The following CTNNA2 variants were observed in gnomAD, a reference collection of about 807,000 sequenced individuals.
CTNNA2 encodes the protein catenin alpha 2.
Under a neutral mutation model 101.0 loss-of-function variants are expected in CTNNA2, and 42 were observed. That is an observed-to-expected ratio of 0.42 (90% CI 0.32 to 0.54). The LOEUF is 0.54. CTNNA2 is among the 20% of genes least tolerant of loss of function. The probability of loss-of-function intolerance (pLI) is 0.14; values close to 1 mark genes in which losing one functional copy is unlikely to be tolerated. For synonymous variants in CTNNA2, 450 were observed against 456.4 expected, an observed-to-expected ratio of 0.99 and a Z score of 0.18; for missense variants, 871 against 1,223.1, an observed-to-expected ratio of 0.71 and a Z score of 4.29.
In CTNNA2 at chr2:80,648,645, T is replaced by C. The variant is rs1272003944; in HGVS notation, c.*773T>C. The C allele has an allele frequency of 1.3e-5, 2 of 151,666 alleles. No homozygotes were observed. The highest frequency in any genetic ancestry group is 4.8e-5 in the African/African-American group (2 of 41,308). 9.4% of individuals were successfully genotyped at this position (151,666 alleles called of 1,614,324 possible). A position where few individuals can be genotyped will look rare whatever the true frequency, so the allele number is the denominator to read the frequency against. On this transcript the variant is annotated 3_prime_UTR_variant, in exon 19 of 19. Coordinates refer to ENST00000402739, the MANE Select transcript of CTNNA2 (RefSeq NM_001282597.3). ...ATTTTGCTAGAAATAGAAGGCCCAG[T>C]GGTGGAATATTAGAGGGAAGGAAAC...
chr2:79,245,943 G>C (rs1293201564), intron 2 of CTNNA2, among the ~76,000 whole-genome samples: 1 of 152,208 alleles, frequency 6.6e-6, no homozygotes, highest in Non-Finnish European at 1.5e-5. Context: ...ATAGCTCAGA[G>C]AGGCCACCAA....
At chr2:79,489,456 G>A (rs1055628258) in intron 4 of CTNNA2, among the ~76,000 whole-genome samples, 2 of 152,156 alleles carry the variant, frequency 1.3e-5, no homozygotes, top group Non-Finnish European at 2.9e-5. Context: ...AATGGCAAGT[G>A]AGAAACAAGG....
intron 1 of CTNNA2, among the ~76,000 whole-genome samples, chr2:79,534,149 A>T (rs990478437): frequency 6.6e-6 from 1 of 152,196 alleles, no homozygotes; most frequent in African/African-American, 2.4e-5. Flanking sequence ...ACATGGTTGT[A>T]GTCATAGAAT....
At chr2:80,239,917 A>AT (rs904609128) in intron 7 of CTNNA2, among the ~76,000 whole-genome samples, 1 of 152,100 alleles carries the variant, frequency 6.6e-6, no homozygotes, top group African/African-American at 2.4e-5. Flanking sequence ...CATCTCAAAA[A>AT]AAAAAACAAA....
In CTNNA2 at chr2:80,450,982, T is replaced by TAA. The variant is rs56373407; in HGVS notation, c.1290+31391_1290+31392dup. Among the ~76,000 whole-genome samples, 56 of 148,638 alleles carry TAA rather than the reference T, an allele frequency of 3.8e-4. No individual in the cohort carries two copies. The South Asian group carries it at 8.1e-3, about 21-fold the overall frequency. Reference sequence around the variant, plus strand: ...TCCTGACCATTAAGGTGTCATTGTTTAAAAAAAAAAAGTACTTTTCCCTGT... The same window carrying TAA: ...TCCTGACCATTAAGGTGTCATTGTTTAAAAAAAAAAAAAGTACTTTTCCCTGT... On this transcript the variant is annotated intron_variant, in intron 9 of 18. Coordinates refer to ENST00000402739, the MANE Select transcript of CTNNA2 (RefSeq NM_001282597.3).
chr2:79,365,142 T>C (rs1017108505), intron 3 of CTNNA2, among the ~76,000 whole-genome samples: 3 of 152,024 alleles, frequency 2.0e-5, no homozygotes, highest in East Asian at 1.9e-4. Flanking sequence ...CTGAGCATGG[T>C]GGCGGGTGCC....
At chr2:80,444,372 T>TA (rs1259591640) in intron 9 of CTNNA2, among the ~76,000 whole-genome samples, 19 of 152,108 alleles carry the variant, frequency 1.2e-4, no homozygotes, top group African/African-American at 4.3e-4. Flanking sequence ...GGGAAGACAA[T>TA]ATAAAAAATT....
At chr2:80,375,705 C>A (rs2149340740) in intron 7 of CTNNA2, among the ~76,000 whole-genome samples, 1 of 151,606 alleles carries the variant, frequency 6.6e-6, no homozygotes, top group African/African-American at 2.4e-5. Flanking sequence ...GCTGGGACTA[C>A]AGGCGCCCGC....
chr2:80,398,467 C>T (rs1018412857), intron 8 of CTNNA2, among the ~76,000 whole-genome samples: 11 of 151,994 alleles, frequency 7.2e-5, no homozygotes, highest in African/African-American at 2.7e-4. Flanking sequence ...GTCAGATTGT[C>T]AAGCTGCTGT....
intron 7 of CTNNA2, among the ~76,000 whole-genome samples, chr2:80,345,625 G>A (rs1443896): frequency 0.11 from 16,722 of 151,588 alleles, 1,882 homozygotes; most frequent in African/African-American, 0.29. Context: ...ATCAGTGCCC[G>A]GAAGAGTACC....
intron 9 of CTNNA2, among the ~76,000 whole-genome samples, chr2:80,462,631 C>CTTTCTTT (rs1177394836): frequency 8.4e-5 from 8 of 94,770 alleles, no homozygotes; most frequent in African/African-American, 3.7e-4. Flanking sequence ...TTCTTTCTTT[C>CTTTCTTT]TTTTTTTTTT....
At chr2:79,532,031 G>GA (rs893346784) in intron 1 of CTNNA2, among the ~76,000 whole-genome samples, 7 of 152,122 alleles carry the variant, frequency 4.6e-5, no homozygotes, top group Non-Finnish European at 8.8e-5. Context: ...TGTTAATTGA[G>GA]AAGGCCTAAA....
chr2:79,363,743 G>T (rs1336591398), intron 3 of CTNNA2, among the ~76,000 whole-genome samples: 1 of 152,042 alleles, frequency 6.6e-6, no homozygotes, highest in African/African-American at 2.4e-5. Flanking sequence ...ATTCACTTTT[G>T]TACTCTATAT....
At chr2:80,604,220 C>A in intron 16 of CTNNA2, 41 bp downstream of exon 16, 1 of 1,498,886 alleles carries the variant, frequency 6.7e-7, no homozygotes, top group Non-Finnish European at 9.3e-7. Flanking sequence ...TGAGTGGAGT[C>A]ACTAATTAGC....
At chr2:79,479,090 T>C (rs1404258632) in intron 4 of CTNNA2, among the ~76,000 whole-genome samples, 1 of 152,246 alleles carries the variant, frequency 6.6e-6, no homozygotes, top group Admixed American at 6.5e-5. Context: ...CAATTTTTCC[T>C]TTTTTACATG....
Position 80,302,743 on chromosome 2 carries a change from G to C in CTNNA2, c.1057-90468G>C, listed in dbSNP as rs1330989700. The C allele has an allele frequency of 5.6e-6, 9 of 1,613,140 alleles. No individual in the cohort carries two copies. Among genetic ancestry groups the C allele is most frequent in the Non-Finnish European group, 7.6e-6 (9 of 1,179,888 alleles). On this transcript the variant is annotated intron_variant, in intron 7 of 18. Coordinates refer to ENST00000402739, the MANE Select transcript of CTNNA2 (RefSeq NM_001282597.3). This position sits in a 1 kb window ranked among gnomAD's most constrained non-coding sequence, Gnocchi z 6.4. Reference sequence around the variant, plus strand: ...CGGCCCCATCCTCGCACAGGTGGAAGGCGTACACGGCGTCCAGGACGTCCT... The same window carrying C: ...CGGCCCCATCCTCGCACAGGTGGAACGCGTACACGGCGTCCAGGACGTCCT...
At chr2:79,314,624 G>C (rs920072050) in intron 3 of CTNNA2, among the ~76,000 whole-genome samples, 1 of 152,148 alleles carries the variant, frequency 6.6e-6, no homozygotes. Flanking sequence ...CCAAAGTCTT[G>C]TTTTGGTCTA....
chr2:79,204,277 G>C (rs927451544), intron 2 of CTNNA2, among the ~76,000 whole-genome samples: 1 of 152,194 alleles, frequency 6.6e-6, no homozygotes, highest in African/African-American at 2.4e-5. Context: ...CATTTATTTT[G>C]CCTTTTGGCA....
intron 6 of CTNNA2, among the ~76,000 whole-genome samples, chr2:79,906,460 A>G (rs1206553199): frequency 3.3e-5 from 5 of 152,186 alleles, no homozygotes; most frequent in African/African-American, 9.7e-5. Context: ...CATCATTGCA[A>G]TGCTCCCCAT....
Sources: gnomAD v4.1 joint callset for allele counts (sites outside exome capture counted in the v4.1 genomes callset) on GRCh38, gnomAD v4.1.1 for gene constraint, Gnocchi (gnomAD v3.1) non-coding constraint, MANE v1.5 for transcripts, NCBI Gene and HGNC (gene_info 2026-07-23, HGNC 2026-07-21) for gene names.